The following ALG6 variants were observed in gnomAD, a reference collection of about 807,000 sequenced individuals.
ALG6 encodes the protein ALG6 alpha-1,3-glucosyltransferase.
A neutral mutation model predicts 66.6 loss-of-function variants in ALG6; 46 were observed. The observed-to-expected ratio is 0.69, with a 90% CI of 0.55 to 0.88. The LOEUF (loss-of-function observed/expected upper bound fraction) is 0.88, where lower values mean the gene tolerates loss of function less well. ALG6 is among the 40% of genes least tolerant of loss of function. ALG6 has a pLI of 0.00. For synonymous variants in ALG6, 185 were observed against 203.7 expected (o/e 0.91, Z 0.78); for missense variants, 505 against 586.8 (o/e 0.86, Z 1.44).
In ALG6 at chr1:63,402,311, T is replaced by TA. The variant is rs1644468733; in HGVS notation, c.226dup (p.Thr76AsnfsTer5). The TA allele has an allele frequency of 6.2e-6, 10 of 1,612,260 alleles. No homozygotes were observed. The highest frequency in any genetic ancestry group is 4.4e-5 in the South Asian group (4 of 91,048). On this transcript the variant is annotated frameshift_variant, in exon 4 of 15. Coordinates refer to ENST00000263440, the MANE Select transcript of ALG6 (RefSeq NM_013339.4). LOFTEE classifies it high-confidence loss of function. ...ATTGGGGATTGGATTACCCACCTCT[T>TA]ACAGCTTATCATAGTCTCCTATGTG... is the stretch of plus-strand genomic sequence containing the variant.
chr1:63,437,303 A>G lies in ALG6; in HGVS notation c.*283A>G, dbSNP rs1644689783. ...AAAAGAGAAACATGTCCTTAATCCCATTGTTTACTCAGGAAATGCACTTTT... is the reference window on the plus strand; with the variant it reads ...AAAAGAGAAACATGTCCTTAATCCCGTTGTTTACTCAGGAAATGCACTTTT... On this transcript the variant is annotated 3_prime_UTR_variant, in exon 15 of 15. Transcript: ENST00000263440. The G allele has an allele frequency of 5.8e-6, 2 of 345,238 alleles. No homozygotes were observed. The highest frequency in any genetic ancestry group is 1.4e-4 in the East Asian group (2 of 13,970). The allele number at this position is 345,238 out of a possible 1,614,324, so 21.4% of individuals were successfully genotyped here. A position where few individuals can be genotyped will look rare whatever the true frequency, so the allele number is the denominator to read the frequency against.
intron 14 of ALG6, among the ~76,000 whole-genome samples, chr1:63,431,840 G>T (rs1038319829): frequency 6.6e-6 from 1 of 151,896 alleles, no homozygotes; most frequent in Non-Finnish European, 1.5e-5. Flanking sequence ...AATGTTCATT[G>T]CTACTATATA....
chr1:63,413,133 T>C (rs1644524764), intron 9 of ALG6, among the ~76,000 whole-genome samples: 1 of 152,200 alleles, frequency 6.6e-6, no homozygotes, highest in African/African-American at 2.4e-5. Flanking sequence ...TGGTAGCTAT[T>C]GTCTCCACTT....
At chr1:63,373,462 G>A (rs1648003922) in intron 2 of ALG6, among the ~76,000 whole-genome samples, 1 of 151,336 alleles carries the variant, frequency 6.6e-6, no homozygotes, top group African/African-American at 2.4e-5. Flanking sequence ...AATTAGCCGG[G>A]CGCACACCTG....
At position 63,411,176 on chromosome 1, in the gene ALG6, G is replaced by T; in HGVS notation, c.525G>T (p.Leu175Phe). 1.2e-6 allele frequency: 2 copies of T among 1,613,792 alleles called. No individual in the cohort carries two copies. Among genetic ancestry groups the T allele is most frequent in the Middle Eastern group, 1.7e-4 (1 of 6,060 alleles). The change falls in exon 8 of 15, where the codon TTG (leucine) becomes TTT (phenylalanine). Residue 175 changes from leucine to phenylalanine, a missense_variant. Physicochemically the swap from Leu to Phe is conservative, Grantham distance 22. Coordinates refer to ENST00000263440, the MANE Select transcript of ALG6 (RefSeq NM_013339.4). ...ATTCTGTGAGTCTTGGCTTTGCTTTGTGGGGTGTTCTTGGAATATCTTGTG... is the reference window on the plus strand; with the variant it reads ...ATTCTGTGAGTCTTGGCTTTGCTTTTTGGGGTGTTCTTGGAATATCTTGTG... ...QYNSVSLGFA[L>F]WGVLGISCDC...
intron 1 of ALG6, among the ~76,000 whole-genome samples, chr1:63,369,041 A>G (rs1647822819): frequency 6.6e-6 from 1 of 152,100 alleles, no homozygotes; most frequent in Non-Finnish European, 1.5e-5. Context: ...AGTTTTGCCT[A>G]TTTATGAACC....
intron 7 of ALG6, among the ~76,000 whole-genome samples, chr1:63,408,880 A>G (rs1018248986): frequency 6.6e-6 from 1 of 152,164 alleles, no homozygotes; most frequent in Non-Finnish European, 1.5e-5. Flanking sequence ...CCTGGGTTCA[A>G]ACGATACTCC....
intron 2 of ALG6, among the ~76,000 whole-genome samples, chr1:63,374,497 G>A (rs1227971518): frequency 2.6e-5 from 4 of 151,948 alleles, no homozygotes; most frequent in African/African-American, 9.7e-5. Context: ...GTGTGGTGGC[G>A]GGTGCCTGTA....
Position 63,402,313 on chromosome 1 carries a change from C to G in ALG6, c.227C>G (p.Thr76Arg). The change falls in exon 4 of 15, where the codon ACA becomes AGA. Residue 76 changes from threonine to arginine, a missense_variant. Coordinates refer to ENST00000263440, the MANE Select transcript of ALG6 (RefSeq NM_013339.4). ...QYWGLDYPPL[T>R]AYHSLLCAYV... Reference sequence around the variant, plus strand: ...TGGGGATTGGATTACCCACCTCTTACAGCTTATCATAGTCTCCTATGTGCA... The same window carrying G: ...TGGGGATTGGATTACCCACCTCTTAGAGCTTATCATAGTCTCCTATGTGCA... The G allele has an allele frequency of 2.5e-6, 4 of 1,611,748 alleles. No homozygotes were observed. Among genetic ancestry groups the G allele is most frequent in the South Asian group, 1.1e-5 (1 of 91,038 alleles).
intron 10 of ALG6, among the ~76,000 whole-genome samples, chr1:63,414,486 G>A (rs1317560680): frequency 6.6e-6 from 1 of 152,082 alleles, no homozygotes; most frequent in Admixed American, 6.5e-5. Flanking sequence ...CTGACCTCAG[G>A]TGATCCACCC....
Position 63,436,818 on chromosome 1 carries a change from T to C in ALG6, c.1327-5T>C. The C allele has an allele frequency of 1.2e-6, 2 of 1,613,484 alleles. No homozygotes were observed. Among genetic ancestry groups the C allele is most frequent in the Non-Finnish European group, 1.7e-6 (2 of 1,179,510 alleles). On this transcript the variant is annotated splice_polypyrimidine_tract_variant and splice_region_variant and intron_variant, in intron 14 of 14. Coordinates refer to ENST00000263440, the MANE Select transcript of ALG6 (RefSeq NM_013339.4). ...ACTACTCAGTAATCCTTTTTTTCCT[T>C]GCAGTTTCTTATCTCAGTCATCACT...
chr1:63,383,031 T>C (rs376013610), intron 2 of ALG6, among the ~76,000 whole-genome samples: 1 of 152,106 alleles, frequency 6.6e-6, no homozygotes, highest in South Asian at 2.1e-4. Context: ...CAGGCTGGTC[T>C]CAAACTCCTG....
intron 14 of ALG6, among the ~76,000 whole-genome samples, chr1:63,431,096 G>T (rs887155828): frequency 6.6e-6 from 1 of 151,844 alleles, no homozygotes; most frequent in African/African-American, 2.4e-5. Context: ...AATTATTTCA[G>T]TTCCATTGAA....
chr1:63,412,100 C>T (rs765062497), intron 9 of ALG6, 39 bp downstream of exon 9: 6 of 1,613,260 alleles, frequency 3.7e-6, no homozygotes, highest in Non-Finnish European at 5.1e-6. Context: ...TGTTACTGTA[C>T]CTTACCTGTG....
At chr1:63,423,847 T>G (rs1327997849) in intron 12 of ALG6, among the ~76,000 whole-genome samples, 2 of 152,228 alleles carry the variant, frequency 1.3e-5, no homozygotes, top group Non-Finnish European at 2.9e-5. Context: ...GTAGAATTGC[T>G]GAGTCACATG....
intron 12 of ALG6, among the ~76,000 whole-genome samples, chr1:63,421,922 G>A (rs1332020209): frequency 2.0e-5 from 3 of 150,390 alleles, no homozygotes; most frequent in Non-Finnish European, 4.4e-5. Flanking sequence ...TAATGTAGAT[G>A]ACAGGTTGAT....
chr1:63,415,787 C>T, intron 10 of ALG6, 86 bp from the exon 11 acceptor site: 9 of 752,848 alleles, frequency 1.2e-5, no homozygotes, highest in East Asian at 5.8e-5. Flanking sequence ...TAATATGATC[C>T]TTATATTTAA....
intron 12 of ALG6, among the ~76,000 whole-genome samples, chr1:63,423,294 G>C (rs1157822810): frequency 6.6e-6 from 1 of 152,096 alleles, no homozygotes; most frequent in East Asian, 1.9e-4. Context: ...AAAGTGCTGG[G>C]ATTACAGGCA....
chr1:63,388,816 T>C (rs1648582392), intron 2 of ALG6, among the ~76,000 whole-genome samples: 1 of 152,236 alleles, frequency 6.6e-6, no homozygotes, highest in South Asian at 2.1e-4. Context: ...TCCTTCATGT[T>C]TGACAGGTAT....
Sources: allele counts gnomAD v4.1 joint callset (sites outside exome capture counted in the v4.1 genomes callset), GRCh38; gene constraint gnomAD v4.1.1; transcripts MANE v1.5; gene names NCBI Gene and HGNC (gene_info 2026-07-23, HGNC 2026-07-21).